Variants in UGGT2 observed in about 807,000 individuals in gnomAD.
UGGT2 encodes the protein UDP-glucose glycoprotein glucosyltransferase 2.
A neutral mutation model predicts 192.1 loss-of-function variants in UGGT2; 180 were observed. The observed-to-expected ratio is 0.94, with a 90% CI of 0.83 to 1.06. The LOEUF is 1.06. UGGT2 is among the 50% of genes least tolerant of loss of function. The pLI, the probability that UGGT2 is intolerant of heterozygous loss-of-function variation, is 0.00. For missense variants in UGGT2, 1,849 were observed against 1,795.7 expected (o/e 1.03, Z -0.54); for synonymous variants, 580 against 591.0 (o/e 0.98, Z 0.27).
chr13:95,852,361 C>T (rs2140027615), intron 36 of UGGT2, among the ~76,000 whole-genome samples: 1 of 152,274 alleles, frequency 6.6e-6, no homozygotes. Flanking sequence ...AGCTTTTAGG[C>T]CTCCATCTAA....
chr13:95,967,512 C>T (rs1330584272), intron 12 of UGGT2, among the ~76,000 whole-genome samples: 36 of 145,234 alleles, frequency 2.5e-4, no homozygotes, highest in African/African-American at 3.6e-4. Context: ...CTCGCTCTAT[C>T]GCCCAGGCTG....
intron 5 of UGGT2, among the ~76,000 whole-genome samples, chr13:96,006,810 C>T (rs571847377): frequency 3.3e-5 from 5 of 152,156 alleles, no homozygotes; most frequent in African/African-American, 9.6e-5. Flanking sequence ...TGGGAAACAT[C>T]ATGAGTGTCT....
At chr13:95,831,286 A>G (rs1886657707) in intron 38 of UGGT2, among the ~76,000 whole-genome samples, 1 of 152,158 alleles carries the variant, frequency 6.6e-6, no homozygotes, top group Non-Finnish European at 1.5e-5. Flanking sequence ...TAATAATAAA[A>G]AAAAATCTCT....
intron 36 of UGGT2, among the ~76,000 whole-genome samples, chr13:95,845,297 T>C (rs1028337922): frequency 6.7e-6 from 1 of 149,874 alleles, no homozygotes; most frequent in Non-Finnish European, 1.5e-5. Flanking sequence ...CAAAGGTCTC[T>C]GGTTTTCCTA....
intron 10 of UGGT2, among the ~76,000 whole-genome samples, chr13:95,973,812 TCA>T (rs1396702875): frequency 6.6e-6 from 1 of 152,198 alleles, no homozygotes; most frequent in African/African-American, 2.4e-5. Context: ...TTCATAATCC[TCA>T]GTTTCCTCAT....
chr13:95,824,054 A>C (rs1885770539), intron 38 of UGGT2, among the ~76,000 whole-genome samples: 1 of 151,940 alleles, frequency 6.6e-6, no homozygotes, highest in South Asian at 2.1e-4. Context: ...GGATTTATTC[A>C]TTTTGCTGGA....
intron 3 of UGGT2, 42 bp from the exon 4 acceptor site, chr13:96,023,194 T>A: frequency 6.7e-7 from 1 of 1,486,720 alleles, no homozygotes; most frequent in Non-Finnish European, 9.1e-7. Flanking sequence ...CAGTTGATAA[T>A]TACAATATGA....
At position 95,949,960 on chromosome 13, in the gene UGGT2, C is replaced by T. The variant is rs574702424; in HGVS notation, c.1336-506G>A. Among the ~76,000 whole-genome samples, 14 of 152,164 alleles carry T rather than the reference C, an allele frequency of 9.2e-5. No homozygotes were observed. The South Asian group carries it at 2.1e-3, about 23-fold the overall frequency. On this transcript the variant is annotated intron_variant, in intron 12 of 38. Coordinates refer to ENST00000376747, the MANE Select transcript of UGGT2 (RefSeq NM_020121.4). The stretch of plus-strand genomic sequence containing the variant: ...TAGAGGCATGTGGTCGGGGAAGCAA[C>T]CACCAATCAAGAAGTGAGGCATTAT...
chr13:95,962,718 C>G (rs1021554386), intron 12 of UGGT2, among the ~76,000 whole-genome samples: 3 of 152,136 alleles, frequency 2.0e-5, no homozygotes, highest in African/African-American at 7.2e-5. Context: ...ACCCGGATAC[C>G]AAAACCAGAC....
intron 13 of UGGT2, 143 bp from the exon 14 acceptor site, chr13:95,948,224 C>CAT: frequency 2.7e-6 from 1 of 374,550 alleles, no homozygotes; most frequent in Admixed American, 4.2e-5. Flanking sequence ...GGAATACACA[C>CAT]ACACACACAC....
chr13:96,053,077 C>A (rs2053534287), intron 1 of UGGT2, 78 bp downstream of exon 1: 1 of 1,395,616 alleles, frequency 7.2e-7, no homozygotes. Context: ...CAGACACCCG[C>A]TGCGAGCACG....
At chr13:95,838,004 G>A (rs1445111912) in intron 36 of UGGT2, among the ~76,000 whole-genome samples, 1 of 152,050 alleles carries the variant, frequency 6.6e-6, no homozygotes, top group Non-Finnish European at 1.5e-5. Flanking sequence ...AGATTGGGAA[G>A]GGAAAAAAAC....
In UGGT2 at chr13:96,053,194, G is replaced by A. The variant is rs1314739070; in HGVS notation, c.119C>T (p.Ala40Val). 2.6e-6 allele frequency: 4 copies of A among 1,524,338 alleles called. No homozygotes were observed. The Admixed American group carries it at 6.0e-5, about 23-fold the overall frequency. 94.4% of individuals were successfully genotyped at this position (1,524,338 alleles called of 1,614,324 possible). Residue 40 changes from alanine to valine, a missense_variant, in exon 1 of 39, where the codon GCC (alanine) becomes GTC (valine). Coordinates refer to ENST00000376747, the MANE Select transcript of UGGT2 (RefSeq NM_020121.4). The part of the protein sequence containing the change: ...AASKSVTAHL[A>V]AKWPETPLLL... ...CAGCGGGGTCTCGGGCCACTTCGCG[G>A]CCAAGTGGGCAGTCACCGACTTGGA...
intron 22 of UGGT2, among the ~76,000 whole-genome samples, chr13:95,899,502 T>C (rs1019464622): frequency 2.6e-5 from 4 of 152,130 alleles, no homozygotes; most frequent in African/African-American, 9.7e-5. Context: ...TTTATGTTTA[T>C]GAGAAATAAG....
At chr13:95,958,996 G>A (rs969748334) in intron 12 of UGGT2, among the ~76,000 whole-genome samples, 53 of 152,324 alleles carry the variant, frequency 3.5e-4, no homozygotes, top group African/African-American at 1.2e-3. Flanking sequence ...CAGAGAGGGA[G>A]CTCATGCCCA....
At chr13:95,900,162 T>C (rs988196672) in intron 22 of UGGT2, among the ~76,000 whole-genome samples, 1 of 152,078 alleles carries the variant, frequency 6.6e-6, no homozygotes, top group African/African-American at 2.4e-5. Context: ...AAAACATTTA[T>C]ATTAACAGAA....
intron 8 of UGGT2, among the ~76,000 whole-genome samples, chr13:95,988,879 A>G (rs2051372265): frequency 6.6e-6 from 1 of 152,188 alleles, no homozygotes; most frequent in Non-Finnish European, 1.5e-5. Context: ...TGGCACTTAA[A>G]TAAGATAGTT....
At chr13:95,907,429 C>G (rs905001222) in intron 20 of UGGT2, among the ~76,000 whole-genome samples, 2 of 145,458 alleles carry the variant, frequency 1.4e-5, no homozygotes, top group Non-Finnish European at 3.0e-5. Context: ...GGTGTTTGAG[C>G]TCTGAGAATG....
intron 4 of UGGT2, among the ~76,000 whole-genome samples, chr13:96,017,858 AG>A (rs2052386575): frequency 6.6e-6 from 1 of 152,146 alleles, no homozygotes; most frequent in Non-Finnish European, 1.5e-5. Context: ...TTGGGACAAA[AG>A]TTTAAAGCCA....
Sources: gnomAD v4.1 joint callset for allele counts (sites outside exome capture counted in the v4.1 genomes callset) on GRCh38, gnomAD v4.1.1 for gene constraint, MANE v1.5 for transcripts, NCBI Gene and HGNC (gene_info 2026-07-23, HGNC 2026-07-21) for gene names.